POU6F2: variants seen among roughly 807,000 people sequenced by gnomAD.
The protein encoded by POU6F2 is POU class 6 homeobox 2, also known as POU domain, class 6, transcription factor 2.
Under a neutral mutation model 71.3 loss-of-function variants are expected in POU6F2, and 31 were observed. That is an observed-to-expected ratio of 0.43 (90% CI 0.33 to 0.59). POU6F2 has a LOEUF of 0.59. Among genes scored for constraint, POU6F2 ranks in the 20% least tolerant of loss-of-function variants. The pLI is 0.04. For missense variants in POU6F2, 783 were observed against 856.8 expected (o/e 0.91, Z 1.07); for synonymous variants, 347 against 355.7 (o/e 0.98, Z 0.27).
At chr7:39,030,238 T>G (rs1250650200) in intron 1 of POU6F2, among the ~76,000 whole-genome samples, 1 of 151,836 alleles carries the variant, frequency 6.6e-6, no homozygotes, top group East Asian at 1.9e-4. Context: ...CTTTCTGTGT[T>G]TTTTGGAAAA....
At chr7:39,111,439 A>G (rs10951595) in intron 2 of POU6F2, among the ~76,000 whole-genome samples, 64,945 of 151,990 alleles carry the variant, frequency 0.43, 14,402 homozygotes, top group East Asian at 0.69. Flanking sequence ...TAAGAAAAAT[A>G]TGACCTTTTA....
intron 2 of POU6F2, among the ~76,000 whole-genome samples, chr7:39,145,054 A>C (rs969678574): frequency 6.6e-6 from 1 of 152,224 alleles, no homozygotes; most frequent in African/African-American, 2.4e-5. Flanking sequence ...TGGACATTTC[A>C]TGCCAATTTT....
At chr7:39,012,018 C>T (rs371387403) in intron 1 of POU6F2, among the ~76,000 whole-genome samples, 4 of 151,998 alleles carry the variant, frequency 2.6e-5, no homozygotes, top group Non-Finnish European at 2.9e-5. Flanking sequence ...TTGCTCTTCT[C>T]GAGGAGTATC....
chr7:39,017,948 T>C (rs1290216941), intron 1 of POU6F2, among the ~76,000 whole-genome samples: 1 of 152,136 alleles, frequency 6.6e-6, no homozygotes, highest in African/African-American at 2.4e-5. Flanking sequence ...TGTATTCTTT[T>C]CCTATTAGTT....
intron 5 of POU6F2, among the ~76,000 whole-genome samples, chr7:39,364,323 A>G (rs1786454343): frequency 6.6e-6 from 1 of 151,322 alleles, no homozygotes; most frequent in African/African-American, 2.4e-5. Flanking sequence ...TACATGAGTA[A>G]ATTCTTTAGT....
intron 1 of POU6F2, among the ~76,000 whole-genome samples, chr7:39,021,219 A>G (rs547021883): frequency 2.8e-4 from 43 of 151,874 alleles, no homozygotes; most frequent in African/African-American, 9.4e-4. Context: ...AACCTTATCT[A>G]TTTCAATTTA....
At chr7:39,400,105 T>C (rs372889107) in intron 5 of POU6F2, among the ~76,000 whole-genome samples, 1 of 152,162 alleles carries the variant, frequency 6.6e-6, no homozygotes, top group East Asian at 1.9e-4. Context: ...CGTTCGGGAG[T>C]GGGGCTGCAA....
chr7:39,085,885 G>C lies in POU6F2; in HGVS notation c.131G>C (p.Ser44Thr). 2 of 1,613,564 alleles carry C rather than the reference G, an allele frequency of 1.2e-6. No homozygotes were observed. The highest frequency in any genetic ancestry group is 8.5e-7 in the Non-Finnish European group (1 of 1,179,742). Residue 44 changes from serine (S) to threonine (T), a missense_variant, in exon 2 of 10, where the codon AGT becomes ACT. Physicochemically the swap from Ser to Thr is moderately conservative, Grantham distance 58 (BLOSUM62 1). Coordinates refer to ENST00000518318, the MANE Select transcript of POU6F2 (RefSeq NM_001370959.1). ...GATCCAATGATAGCTGGACAAGTCA[G>C]TAAGCCCTTGCTGTCAGTGCGGAGT... ...GQDPMIAGQVSKPLLSVRSEM... is the reference protein window; with the variant it reads ...GQDPMIAGQVTKPLLSVRSEM...
intron 1 of POU6F2, among the ~76,000 whole-genome samples, chr7:38,981,605 T>TG (rs1286417768): frequency 1.2e-4 from 18 of 152,200 alleles, no homozygotes; most frequent in African/African-American, 3.9e-4. Context: ...GAGAGACAGC[T>TG]GGATAAAGTG....
intron 4 of POU6F2, among the ~76,000 whole-genome samples, chr7:39,242,448 C>A (rs1418442720): frequency 4.0e-5 from 6 of 150,406 alleles, no homozygotes; most frequent in Admixed American, 1.3e-4. Flanking sequence ...CTTTAACTTT[C>A]ATTTCTCTAA....
At chr7:39,173,690 G>A (rs1033260476) in intron 2 of POU6F2, among the ~76,000 whole-genome samples, 4 of 152,186 alleles carry the variant, frequency 2.6e-5, no homozygotes, top group Non-Finnish European at 5.9e-5. Context: ...GTGGAATCAC[G>A]TACCTCTTTG....
At chr7:39,298,823 C>G (rs1160156298) in intron 4 of POU6F2, among the ~76,000 whole-genome samples, 2 of 152,038 alleles carry the variant, frequency 1.3e-5, no homozygotes, top group African/African-American at 4.8e-5. Context: ...TACTATGATG[C>G]CATAAAAAAA....
chr7:39,182,804 C>T (rs1793460988), intron 2 of POU6F2, among the ~76,000 whole-genome samples: 1 of 152,102 alleles, frequency 6.6e-6, no homozygotes, highest in African/African-American at 2.4e-5. Flanking sequence ...GTTGATTGTC[C>T]CTGAGTCTGT....
intron 8 of POU6F2, among the ~76,000 whole-genome samples, chr7:39,454,684 AT>A (rs1429630099): frequency 2.1e-4 from 4 of 18,992 alleles, no homozygotes; most frequent in South Asian, 2.2e-3. Context: ...ATATATATAT[AT>A]ATATATATAT....
intron 1 of POU6F2, among the ~76,000 whole-genome samples, chr7:39,053,823 C>T (rs895830695): frequency 6.6e-6 from 1 of 152,028 alleles, no homozygotes; most frequent in African/African-American, 2.4e-5. Flanking sequence ...AAAAAAAAGA[C>T]CAGCCACGGT....
chr7:39,071,671 AC>A (rs1186617588), intron 1 of POU6F2, among the ~76,000 whole-genome samples: 1 of 86,232 alleles, frequency 1.2e-5, no homozygotes, highest in African/African-American at 3.8e-5. Flanking sequence ...ACACACACAC[AC>A]ACACACACAC....
chr7:39,081,021 A>G (rs1385682714), intron 1 of POU6F2, among the ~76,000 whole-genome samples: 1 of 152,224 alleles, frequency 6.6e-6, no homozygotes, highest in East Asian at 1.9e-4. Flanking sequence ...TACTCTTTAA[A>G]GGCTTTATGA....
At chr7:39,313,145 T>C (rs1183599281) in intron 4 of POU6F2, among the ~76,000 whole-genome samples, 4 of 152,138 alleles carry the variant, frequency 2.6e-5, no homozygotes, top group Non-Finnish European at 4.4e-5. Flanking sequence ...CTGGTTTCCC[T>C]TATCTTTCCA....
At chr7:39,220,272 A>C (rs1429998507) in intron 4 of POU6F2, among the ~76,000 whole-genome samples, 6 of 152,224 alleles carry the variant, frequency 3.9e-5, no homozygotes, top group African/African-American at 1.4e-4. Flanking sequence ...GAGTTTGTCA[A>C]ATAGCTGAAC....
Sources: allele counts gnomAD v4.1 joint callset (sites outside exome capture counted in the v4.1 genomes callset), GRCh38; gene constraint gnomAD v4.1.1; transcripts MANE v1.5; gene names NCBI Gene and HGNC (gene_info 2026-07-23, HGNC 2026-07-21).